SMYD4: variants seen among roughly 807,000 people sequenced by gnomAD.
SMYD4 encodes the protein protein-lysine N-methyltransferase SMYD4.
SMYD4 carries 68 observed loss-of-function variants against 72.8 expected under a neutral mutation model. That is an observed-to-expected ratio of 0.93 (90% CI 0.77 to 1.14). The LOEUF (loss-of-function observed/expected upper bound fraction) is 1.14, where lower values mean the gene tolerates loss of function less well. Ranked by LOEUF, SMYD4 falls within the 50% of genes most tolerant of loss-of-function variation. SMYD4 has a pLI of 0.00. For synonymous variants in SMYD4, 407 were observed against 388.6 expected (o/e 1.05, Z -0.56); for missense variants, 984 against 1,003.7 (o/e 0.98, Z 0.27).
At chr17:1,823,500 C>G (rs769867151) in intron 2 of SMYD4, among the ~76,000 whole-genome samples, 1 of 151,040 alleles carries the variant, frequency 6.6e-6, no homozygotes, top group African/African-American at 2.4e-5. Context: ...CGAACAATGA[C>G]TATGTGTGTG....
intron 3 of SMYD4, among the ~76,000 whole-genome samples, chr17:1,805,777 A>C (rs1909998997): frequency 6.6e-6 from 1 of 151,638 alleles, no homozygotes; most frequent in African/African-American, 2.4e-5. Flanking sequence ...ATACCACTGC[A>C]CTCCAGTCTG....
rs1909611009 is a variant in SMYD4 at position 1,799,870 on chromosome 17, G to A, written c.1524C>T (p.Thr508=). The A allele has an allele frequency of 2.5e-6, 4 of 1,599,780 alleles. No homozygotes were observed. Residue 508 remains threonine (T), a synonymous_variant, in exon 5 of 11, where the codon ACC becomes ACT. Transcript: ENST00000305513. ...GTTCCCTCTTACCTGTGTGTTGTAT[G>A]GTGGTCATCGCCTGAGCGTTACACT... ...QLQCNAQAMT[T]IQHTGPKGSI...
At chr17:1,801,105 A>G in intron 4 of SMYD4, 81 bp from the exon 5 acceptor site, 1 of 1,263,802 alleles carries the variant, frequency 7.9e-7, no homozygotes, top group East Asian at 2.3e-5. Flanking sequence ...AAAAATCTAC[A>G]GGAAAGTTAA....
At position 1,800,421 on chromosome 17, in the gene SMYD4, G is replaced by C. The variant is rs938750056; in HGVS notation, c.973C>G (p.Gln325Glu). The change falls in exon 5 of 11, where the codon CAG (glutamine) becomes GAG (glutamate). Residue 325 changes from glutamine to glutamate, a missense_variant. Coordinates refer to ENST00000305513, the MANE Select transcript of SMYD4 (RefSeq NM_052928.3). ...AKYCSQECLQ[Q>E]AWELYHRTEC... is the part of the protein sequence containing the mutation. Reference sequence around the variant, plus strand: ...GTCCTGTGGTAGAGCTCCCAGGCCTGCTGCAAACACTCCTGGCTGCAATAC... The same window carrying C: ...GTCCTGTGGTAGAGCTCCCAGGCCTCCTGCAAACACTCCTGGCTGCAATAC... 1.2e-6 allele frequency: 2 copies of C among 1,614,172 alleles called. No homozygotes were observed. Among genetic ancestry groups the C allele is most frequent in the African/African-American group, 2.7e-5 (2 of 75,056 alleles).
intron 2 of SMYD4, among the ~76,000 whole-genome samples, chr17:1,817,783 A>G (rs2151250739): frequency 6.6e-6 from 1 of 152,250 alleles, no homozygotes; most frequent in Non-Finnish European, 1.5e-5. Context: ...GGCCGGGCAC[A>G]GTGGATCACG....
intron 2 of SMYD4, among the ~76,000 whole-genome samples, chr17:1,820,559 T>C (rs1032698951): frequency 1.3e-5 from 2 of 152,100 alleles, no homozygotes; most frequent in African/African-American, 4.8e-5. Flanking sequence ...CTCTTTTTTA[T>C]ATAAATCTAT....
At chr17:1,811,288 A>G (rs1394882003) in intron 3 of SMYD4, among the ~76,000 whole-genome samples, 4 of 152,150 alleles carry the variant, frequency 2.6e-5, no homozygotes, top group African/African-American at 7.2e-5. Context: ...CGAGGGGAAC[A>G]AGGGAACTTT....
At chr17:1,825,551 AC>A (rs1911124292) in intron 2 of SMYD4, among the ~76,000 whole-genome samples, 1 of 140,518 alleles carries the variant, frequency 7.1e-6, no homozygotes, top group Non-Finnish European at 1.5e-5. Flanking sequence ...TTGTTCTGTC[AC>A]CCAGGCTGGA....
chr17:1,794,065 ATGTG>A (rs1202001473), intron 5 of SMYD4, among the ~76,000 whole-genome samples: 1 of 58,310 alleles, frequency 1.7e-5, no homozygotes, highest in African/African-American at 6.1e-5. Context: ...GTGTATATAT[ATGTG>A]TATATATATG....
intron 2 of SMYD4, among the ~76,000 whole-genome samples, chr17:1,821,228 G>T (rs993993564): frequency 2.0e-5 from 3 of 152,060 alleles, no homozygotes; most frequent in African/African-American, 7.2e-5. Flanking sequence ...GAAAAACAAA[G>T]TATAGGCCGG....
chr17:1,806,177 G>A (rs1401104881), intron 3 of SMYD4, among the ~76,000 whole-genome samples: 2 of 151,800 alleles, frequency 1.3e-5, no homozygotes, highest in East Asian at 3.9e-4. Flanking sequence ...CGCTCGCCTC[G>A]GCCTCCCAAC....
chr17:1,781,741 C>A, intron 10 of SMYD4: 1 of 193,570 alleles, frequency 5.2e-6, no homozygotes, highest in Admixed American at 6.1e-5. Context: ...GACCTCGGCT[C>A]ACTGCAACCT....
At chr17:1,789,049 C>T (rs1908861178) in intron 5 of SMYD4, among the ~76,000 whole-genome samples, 1 of 152,166 alleles carries the variant, frequency 6.6e-6, no homozygotes, top group African/African-American at 2.4e-5. Flanking sequence ...AAAAAACCAT[C>T]AAATAACTGT....
rs1233372935 is a variant in SMYD4, at chr17:1,827,873, G to A, written c.122C>T (p.Ser41Phe). 4 of 1,605,036 alleles carry A rather than the reference G, an allele frequency of 2.5e-6. No homozygotes were observed. The highest frequency in any genetic ancestry group is 2.6e-6 in the Non-Finnish European group (3 of 1,172,300). ...ETLRDIFLHS[S>F]SLLQPEDELF... The stretch of plus-strand genomic sequence containing the variant: ...TTGATTTACTTACTGAAGAAGTGAA[G>A]AGGAGTGAAGAAAGATATCCCTCAA... The change falls in exon 2 of 11, where the codon TCT becomes TTT. Residue 41 changes from serine to phenylalanine, a missense_variant. Ser to Phe is a radical substitution (Grantham distance 155). Coordinates refer to ENST00000305513, the MANE Select transcript of SMYD4 (RefSeq NM_052928.3).
intron 5 of SMYD4, among the ~76,000 whole-genome samples, chr17:1,788,928 T>A (rs1002754533): frequency 6.6e-6 from 1 of 152,156 alleles, no homozygotes; most frequent in South Asian, 2.1e-4. Context: ...TTAAATTATC[T>A]TCAGTAGTCT....
At chr17:1,813,081 G>A (rs1410898403) in intron 2 of SMYD4, among the ~76,000 whole-genome samples, 2 of 152,156 alleles carry the variant, frequency 1.3e-5, no homozygotes, top group East Asian at 3.9e-4. Flanking sequence ...GGGGATTACA[G>A]GCATGCACCA....
chr17:1,798,960 T>G (rs1434922746), intron 5 of SMYD4, among the ~76,000 whole-genome samples: 1 of 151,518 alleles, frequency 6.6e-6, no homozygotes, highest in African/African-American at 2.4e-5. Context: ...TATGGACTTT[T>G]TAAAGAATTT....
chr17:1,806,187 C>T lies in SMYD4; in HGVS notation c.280-1472G>A, dbSNP rs146523334. On this transcript the variant is annotated intron_variant, in intron 3 of 10. Coordinates refer to ENST00000305513, the MANE Select transcript of SMYD4 (RefSeq NM_052928.3). The stretch of plus-strand genomic sequence containing the variant: ...TGATCCGCTCGCCTCGGCCTCCCAA[C>T]AAATACATGAAATTCTTTAATGTAA... Among the ~76,000 whole-genome samples the T allele has an allele frequency of 1.7e-3, 256 of 152,122 alleles. 1 individual carries two copies. The highest frequency in any genetic ancestry group is 5.1e-3 in the African/African-American group (212 of 41,530).
intron 2 of SMYD4, among the ~76,000 whole-genome samples, chr17:1,817,921 C>T (rs867787417): frequency 1.3e-5 from 2 of 151,782 alleles, no homozygotes; most frequent in Non-Finnish European, 2.9e-5. Context: ...GTGGCGGGTG[C>T]CTGTAGTCCC....
Sources: allele counts gnomAD v4.1 joint callset (sites outside exome capture counted in the v4.1 genomes callset), GRCh38; gene constraint gnomAD v4.1.1; transcripts MANE v1.5; gene names NCBI Gene and HGNC (gene_info 2026-07-23, HGNC 2026-07-21).